Variants in MARCHF1 observed in about 807,000 individuals in gnomAD.
The protein encoded by MARCHF1 is E3 ubiquitin-protein ligase MARCHF1.
Under a neutral mutation model 54.2 loss-of-function variants are expected in MARCHF1, and 40 were observed. That is an observed-to-expected ratio of 0.74 (90% confidence interval 0.57 to 0.96). MARCHF1 has a LOEUF of 0.96. Among genes scored for constraint, MARCHF1 ranks in the 40% least tolerant of loss-of-function variants. MARCHF1 has a pLI of 0.00. For missense variants in MARCHF1, 586 were observed against 656.5 expected, an observed-to-expected ratio of 0.89 and a Z score of 1.17; for synonymous variants, 236 against 236.3, an observed-to-expected ratio of 1.00 and a Z score of 0.01.
chr4:164,230,547 C>G (rs141890308), intron 1 of MARCHF1, among the ~76,000 whole-genome samples: 188 of 152,010 alleles, frequency 1.2e-3, no homozygotes, highest in African/African-American at 4.3e-3. Context: ...GAGAACATTA[C>G]AGTTCTTTAC....
intron 1 of MARCHF1, among the ~76,000 whole-genome samples, chr4:164,114,713 T>C (rs1399957515): frequency 6.6e-6 from 1 of 151,356 alleles, no homozygotes; most frequent in African/African-American, 2.4e-5. Context: ...ATAAATAGTA[T>C]TGAGACAAGA....
chr4:163,817,320 T>A (rs192781457), intron 4 of MARCHF1, among the ~76,000 whole-genome samples: 31 of 149,270 alleles, frequency 2.1e-4, no homozygotes, highest in African/African-American at 7.2e-4. Context: ...TATATGTACA[T>A]ATACACATAT....
At chr4:164,262,107 G>GA (rs1184867700) in intron 1 of MARCHF1, among the ~76,000 whole-genome samples, 3,168 of 72,244 alleles carry the variant, frequency 0.044, 72 homozygotes, top group East Asian at 0.23. Flanking sequence ...CCTATCTTAA[G>GA]AAAAAAAAAA....
intron 3 of MARCHF1, among the ~76,000 whole-genome samples, chr4:163,982,688 C>T (rs1330667834): frequency 6.6e-6 from 1 of 152,180 alleles, no homozygotes; most frequent in Non-Finnish European, 1.5e-5. Flanking sequence ...TACCCAGAGT[C>T]TATTTTTTTT....
In MARCHF1 at chr4:164,151,509, T is replaced by C. The variant is rs114448803; in HGVS notation, c.-322-39847A>G. Among the ~76,000 whole-genome samples the C allele has an allele frequency of 5.9e-3, 893 of 152,262 alleles. 9 individuals are homozygous for C. The highest frequency in any genetic ancestry group is 0.021 in the African/African-American group (852 of 41,550). On this transcript the variant is annotated intron_variant, in intron 1 of 9. Coordinates refer to ENST00000514618, the MANE Select transcript of MARCHF1 (RefSeq NM_001394959.1). ...TTTGCCTGGAGCAATACTTCCTATG[T>C]TGTACTTGTCTCAGACTAAAGAAAT...
chr4:164,241,889 C>A (rs1392021064), intron 1 of MARCHF1, among the ~76,000 whole-genome samples: 2 of 152,176 alleles, frequency 1.3e-5, no homozygotes, highest in Non-Finnish European at 2.9e-5. Context: ...AAAATCAGGT[C>A]ACTCCCACCC....
chr4:163,583,207 C>A (rs1740286501), intron 8 of MARCHF1, among the ~76,000 whole-genome samples: 1 of 152,188 alleles, frequency 6.6e-6, no homozygotes, highest in African/African-American at 2.4e-5. Context: ...TGGCTAGATA[C>A]CACTTGGCTC....
chr4:164,116,928 A>C (rs911031095), intron 1 of MARCHF1, among the ~76,000 whole-genome samples: 1 of 152,122 alleles, frequency 6.6e-6, no homozygotes, highest in African/African-American at 2.4e-5. Context: ...ACAAAGTTAA[A>C]ATCCACATAA....
intron 8 of MARCHF1, among the ~76,000 whole-genome samples, chr4:163,546,718 C>T (rs937239799): frequency 7.9e-5 from 12 of 152,162 alleles, no homozygotes; most frequent in East Asian, 5.8e-4. Flanking sequence ...ACTACTGTGA[C>T]GACCGCTGTC....
intron 2 of MARCHF1, among the ~76,000 whole-genome samples, chr4:164,041,443 T>A (rs1754127358): frequency 6.6e-6 from 1 of 152,200 alleles, no homozygotes; most frequent in African/African-American, 2.4e-5. Flanking sequence ...CCTCATTAAT[T>A]GATCCACCCA....
At chr4:163,657,917 T>C (rs917746225) in intron 5 of MARCHF1, among the ~76,000 whole-genome samples, 1 of 152,106 alleles carries the variant, frequency 6.6e-6, no homozygotes, top group African/African-American at 2.4e-5. Context: ...TAACCCAAGA[T>C]GGATTAAAGA....
At chr4:163,740,969 C>A (rs376430288) in intron 4 of MARCHF1, among the ~76,000 whole-genome samples, 1 of 152,184 alleles carries the variant, frequency 6.6e-6, no homozygotes, top group Non-Finnish European at 1.5e-5. Context: ...CACTTACACT[C>A]TTCAGGTTGC....
intron 5 of MARCHF1, among the ~76,000 whole-genome samples, chr4:163,615,876 G>C (rs913841483): frequency 6.6e-6 from 1 of 152,058 alleles, no homozygotes; most frequent in Non-Finnish European, 1.5e-5. Flanking sequence ...TATAAAAACA[G>C]ACACATAGAC....
intron 5 of MARCHF1, among the ~76,000 whole-genome samples, chr4:163,615,113 T>C (rs1741469223): frequency 6.6e-6 from 1 of 151,958 alleles, no homozygotes; most frequent in Non-Finnish European, 1.5e-5. Context: ...CAGAGACTAC[T>C]GGATCCCAGG....
At chr4:164,269,616 T>A (rs1267802900) in intron 1 of MARCHF1, among the ~76,000 whole-genome samples, 1 of 152,176 alleles carries the variant, frequency 6.6e-6, no homozygotes, top group East Asian at 1.9e-4. Flanking sequence ...GACATTGTTA[T>A]CATGAAATTA....
chr4:164,298,007 C>T lies in MARCHF1; in HGVS notation c.-323+85863G>A, dbSNP rs532374929. 1.8e-4 allele frequency among the ~76,000 whole-genome samples: 27 copies of T among 152,074 alleles called. No individual in the cohort carries two copies. In the East Asian group the frequency reaches 4.8e-3, roughly 27 times the overall value. ...AAGACAAGTCAGATCTTAATCCACACCTATCTAATCTAGTTATATGTCTCA... is the reference window on the plus strand; with the variant it reads ...AAGACAAGTCAGATCTTAATCCACATCTATCTAATCTAGTTATATGTCTCA... On this transcript the variant is annotated intron_variant, in intron 1 of 9. Transcript: ENST00000514618.
At chr4:164,350,977 T>G (rs1300203815) in intron 1 of MARCHF1, among the ~76,000 whole-genome samples, 5 of 151,964 alleles carry the variant, frequency 3.3e-5, no homozygotes, top group African/African-American at 1.2e-4. Context: ...GGGAGTTCCC[T>G]TTCCGAGTCA....
At chr4:164,241,866 G>C (rs532733363) in intron 1 of MARCHF1, among the ~76,000 whole-genome samples, 1 of 152,162 alleles carries the variant, frequency 6.6e-6, no homozygotes, top group Non-Finnish European at 1.5e-5. Flanking sequence ...AAGGGGTGAC[G>C]GATGGCACCT....
chr4:164,100,924 G>T (rs981272887), intron 2 of MARCHF1, among the ~76,000 whole-genome samples: 10 of 152,332 alleles, frequency 6.6e-5, no homozygotes, highest in African/African-American at 2.2e-4. Context: ...GCGAGCCGAA[G>T]TAGGGCGAGG....
Sources: gnomAD v4.1 joint callset for allele counts (sites outside exome capture counted in the v4.1 genomes callset) on GRCh38, gnomAD v4.1.1 for gene constraint, MANE v1.5 for transcripts, NCBI Gene and HGNC (gene_info 2026-07-23, HGNC 2026-07-21) for gene names.